Variants in COMMD10 observed in about 807,000 individuals in gnomAD.
The protein encoded by COMMD10 is COMM domain containing 10, also known as COMM domain-containing protein 10.
A neutral mutation model predicts 28.9 loss-of-function variants in COMMD10; 33 were observed. That is an observed-to-expected ratio of 1.14 (90% CI 0.87 to 1.53). The LOEUF is 1.53. COMMD10 is among the 40% of genes most tolerant of loss of function. COMMD10 has a pLI of 0.00. For synonymous variants in COMMD10, 110 were observed against 81.7 expected, an observed-to-expected ratio of 1.35 and a Z score of -1.87; for missense variants, 310 against 233.4, an observed-to-expected ratio of 1.33 and a Z score of -2.14.
At chr5:116,110,994 A>G (rs1024905434) in intron 4 of COMMD10, among the ~76,000 whole-genome samples, 2 of 152,140 alleles carry the variant, frequency 1.3e-5, no homozygotes, top group African/African-American at 4.8e-5. Context: ...GGGAACATAC[A>G]TCCAAACTAT....
intron 4 of COMMD10, among the ~76,000 whole-genome samples, chr5:116,116,717 T>C (rs959821416): frequency 2.0e-5 from 3 of 149,360 alleles, no homozygotes; most frequent in African/African-American, 2.5e-5. Context: ...TTTTTTTTTT[T>C]TTTTTTTTTT....
At chr5:116,162,689 A>G (rs985535981) in intron 5 of COMMD10, among the ~76,000 whole-genome samples, 2 of 152,184 alleles carry the variant, frequency 1.3e-5, no homozygotes, top group African/African-American at 4.8e-5. Context: ...AAAGGTGTGT[A>G]CTTTTCTATC....
At chr5:116,267,627 G>C (rs1231145204) in intron 5 of COMMD10, among the ~76,000 whole-genome samples, 1 of 151,898 alleles carries the variant, frequency 6.6e-6, no homozygotes, top group African/African-American at 2.4e-5. Context: ...CCAAAAAAGA[G>C]CCTGCATTGC....
rs138515875 is a variant in COMMD10, at chr5:116,200,250, C to T, written c.510+66072C>T. Among the ~76,000 whole-genome samples the T allele has an allele frequency of 2.0e-4, 31 of 152,156 alleles. No individual in the cohort carries two copies. The East Asian group carries it at 5.4e-3, about 27-fold the overall frequency. ...ATATACTTTTTTGTACCCATCACTCCACCCTTTTTGCTTGTACTGTTTCTG... is the reference window on the plus strand; with the variant it reads ...ATATACTTTTTTGTACCCATCACTCTACCCTTTTTGCTTGTACTGTTTCTG... On this transcript the variant is annotated intron_variant, in intron 5 of 6. Coordinates refer to ENST00000274458, the MANE Select transcript of COMMD10 (RefSeq NM_016144.4).
Position 116,285,966 on chromosome 5 carries a change from A to T in COMMD10, c.511-5551A>T, listed in dbSNP as rs1751209303. On this transcript the variant is annotated intron_variant, in intron 5 of 6. Transcript: ENST00000274458. ...GTTAATTCTTTAAATGTTTTGTAGAATTGTCCAGTGAAGCCATCTGGTCCT... is the reference window on the plus strand; with the variant it reads ...GTTAATTCTTTAAATGTTTTGTAGATTTGTCCAGTGAAGCCATCTGGTCCT... Among the ~76,000 whole-genome samples the T allele has an allele frequency of 1.3e-5, 2 of 151,854 alleles. 1 individual carries two copies. The highest frequency in any genetic ancestry group is 4.1e-4 in the South Asian group (2 of 4,824).
chr5:116,227,438 TC>T (rs1178163749), intron 5 of COMMD10, among the ~76,000 whole-genome samples: 1 of 152,076 alleles, frequency 6.6e-6, no homozygotes, highest in Non-Finnish European at 1.5e-5. Context: ...ATCTTTGAAA[TC>T]CCATTTTCTC....
At chr5:116,213,800 G>T (rs1416344638) in intron 5 of COMMD10, among the ~76,000 whole-genome samples, 1 of 151,838 alleles carries the variant, frequency 6.6e-6, no homozygotes, top group Non-Finnish European at 1.5e-5. Context: ...TCGTATTTTA[G>T]TACAAATACC....
At chr5:116,279,981 T>G (rs986343909) in intron 5 of COMMD10, among the ~76,000 whole-genome samples, 3 of 151,878 alleles carry the variant, frequency 2.0e-5, no homozygotes, top group African/African-American at 7.3e-5. Context: ...GTTCTATGTA[T>G]TATCTTGATA....
chr5:116,087,415 A>T (rs1750140860), intron 1 of COMMD10, 82 bp from the exon 2 acceptor site: 1 of 836,888 alleles, frequency 1.2e-6, no homozygotes, highest in African/African-American at 1.7e-5. Context: ...AGTTGTTGGA[A>T]TGAAAACTTA....
intron 5 of COMMD10, among the ~76,000 whole-genome samples, chr5:116,271,428 C>T (rs1750753611): frequency 6.6e-6 from 1 of 150,808 alleles, no homozygotes; most frequent in South Asian, 2.1e-4. Flanking sequence ...GGGTGTATTA[C>T]TAATTCTGCT....
intron 5 of COMMD10, among the ~76,000 whole-genome samples, chr5:116,225,462 G>T (rs1038496867): frequency 1.4e-5 from 2 of 148,142 alleles, no homozygotes; most frequent in African/African-American, 2.5e-5. Context: ...TGAGGACCTT[G>T]GTTTTTTGTT....
chr5:116,142,597 A>G (rs757676444), intron 5 of COMMD10, among the ~76,000 whole-genome samples: 3 of 151,828 alleles, frequency 2.0e-5, no homozygotes, highest in Non-Finnish European at 4.4e-5. Flanking sequence ...GCTTCTAGAG[A>G]AAGATATAAC....
intron 4 of COMMD10, among the ~76,000 whole-genome samples, chr5:116,110,306 C>T (rs1262335436): frequency 6.6e-6 from 1 of 152,116 alleles, no homozygotes; most frequent in African/African-American, 2.4e-5. Context: ...TGTCTATGTT[C>T]ATCAGGGTAT....
intron 5 of COMMD10, among the ~76,000 whole-genome samples, chr5:116,259,740 G>A (rs898137816): frequency 6.6e-6 from 1 of 151,730 alleles, no homozygotes. Context: ...GGTTGTAGAA[G>A]TTTTTCACCT....
intron 5 of COMMD10, among the ~76,000 whole-genome samples, chr5:116,156,517 A>G (rs1294615998): frequency 6.6e-6 from 1 of 152,124 alleles, no homozygotes; most frequent in Non-Finnish European, 1.5e-5. Flanking sequence ...CAACACCATT[A>G]TTTGAGCTGG....
intron 3 of COMMD10, among the ~76,000 whole-genome samples, chr5:116,091,856 G>C (rs1326779322): frequency 6.6e-6 from 1 of 152,144 alleles, no homozygotes. Flanking sequence ...AATAATACTT[G>C]TGAAATAAAA....
chr5:116,276,099 G>A (rs1490638633), intron 5 of COMMD10, among the ~76,000 whole-genome samples: 1 of 151,312 alleles, frequency 6.6e-6, no homozygotes. Flanking sequence ...AGGTGGATAG[G>A]AGGGGGAGAG....
chr5:116,194,140 A>G (rs144100767), intron 5 of COMMD10, among the ~76,000 whole-genome samples: 12 of 152,156 alleles, frequency 7.9e-5, no homozygotes, highest in Non-Finnish European at 1.6e-4. Context: ...GACACAACCT[A>G]CCAAAACCTC....
intron 5 of COMMD10, among the ~76,000 whole-genome samples, chr5:116,258,907 A>C (rs934030189): frequency 6.6e-6 from 1 of 151,318 alleles, no homozygotes; most frequent in African/African-American, 2.4e-5. Context: ...TTTTCTACTC[A>C]GTTCCGTTTT....
Sources: allele counts gnomAD v4.1 joint callset (sites outside exome capture counted in the v4.1 genomes callset), GRCh38; gene constraint gnomAD v4.1.1; transcripts MANE v1.5; gene names NCBI Gene and HGNC (gene_info 2026-07-23, HGNC 2026-07-21).